SREBF1: variants seen among roughly 807,000 people sequenced by gnomAD.
The protein encoded by SREBF1 is sterol regulatory element-binding protein 1.
Under a neutral mutation model 100.1 loss-of-function variants are expected in SREBF1, and 45 were observed. The ratio of observed to expected loss-of-function variants is 0.45; its 90% CI spans 0.35 to 0.58. SREBF1 has a LOEUF of 0.58. Among genes scored for constraint, SREBF1 ranks in the 20% least tolerant of loss-of-function variants. The probability of loss-of-function intolerance (pLI) is 0.00; values close to 1 mark genes in which losing one functional copy is unlikely to be tolerated. For synonymous variants in SREBF1, 657 were observed against 681.8 expected, an observed-to-expected ratio of 0.96 and a Z score of 0.57; for missense variants, 1,324 against 1,539.4, an observed-to-expected ratio of 0.86 and a Z score of 2.34.
chr17:17,814,217 C>T (rs1172322200), intron 16 of SREBF1, 28 bp downstream of exon 16: 1 of 1,587,682 alleles, frequency 6.3e-7, no homozygotes, highest in Non-Finnish European at 8.6e-7. Flanking sequence ...TCCCCCAGCC[C>T]TGCCAGGCCC....
chr17:17,823,939 G>GT (rs2034318383), intron 1 of SREBF1, among the ~76,000 whole-genome samples: 1 of 152,038 alleles, frequency 6.6e-6, no homozygotes, highest in Admixed American at 6.6e-5. Flanking sequence ...GTTACTGGCG[G>GT]TCACTGGCCC....
chr17:17,814,262 T>C lies in SREBF1; in HGVS notation c.2884A>G (p.Ser962Gly), dbSNP rs762852913. Residue 962 changes from serine (S) to glycine (G), a missense_variant, in exon 16 of 19, where the codon AGC (serine) becomes GGC (glycine). Transcript: ENST00000261646. ...LQDSLATTPA[S>G]SSIDKAVQLF... ...CCCCTCACCTTGTCAATGGAGCTGC[T>C]GGCTGGTGTGGTAGCCAGGCTGTCC... The C allele has an allele frequency of 6.2e-7, 1 of 1,605,588 alleles. No individual in the cohort carries two copies. Among genetic ancestry groups the C allele is most frequent in the South Asian group, 1.1e-5 (1 of 89,600 alleles).
At chr17:17,832,035 C>A (rs1259385456) in intron 1 of SREBF1, among the ~76,000 whole-genome samples, 1 of 152,166 alleles carries the variant, frequency 6.6e-6, no homozygotes, top group African/African-American at 2.4e-5. Flanking sequence ...CACTTCCAGG[C>A]CCCCAGAGTA....
chr17:17,819,698 GGCT>G lies in SREBF1; in HGVS notation c.548_550del (p.Gln183del), dbSNP rs1567974759. ...GGAAGCCAGTGGCAGGCCAGGCAGCGGCTGCTGGGTGTTCCCGGGAGGGCTTCC... is the reference window on the plus strand; with the variant it reads ...GGAAGCCAGTGGCAGGCCAGGCAGCGGCTGGGTGTTCCCGGGAGGGCTTCC... On this transcript the variant is annotated inframe_deletion, in exon 3 of 19. Transcript: ENST00000261646. 7.5e-6 allele frequency: 12 copies of G among 1,608,600 alleles called. No individual in the cohort carries two copies. The highest frequency in any genetic ancestry group is 9.3e-6 in the Non-Finnish European group (11 of 1,178,694).
Position 17,824,075 on chromosome 17 carries a change from G to GT in SREBF1, c.92-3555dup, listed in dbSNP as rs1598131308. Reference sequence around the variant, plus strand: ...CGAGCCTTAACCGCTCCAACCCTCCGTTTACTCCTCCAGAAAACAGGACAG... The same window carrying GT: ...CGAGCCTTAACCGCTCCAACCCTCCGTTTTACTCCTCCAGAAAACAGGACAG... On this transcript the variant is annotated intron_variant, in intron 1 of 18. Transcript: ENST00000261646. The surrounding 1 kb of genome is among the most constrained non-coding windows in gnomAD (Gnocchi z 4.2). Among the ~76,000 whole-genome samples, 1 of 152,132 alleles carries GT rather than the reference G, an allele frequency of 6.6e-6. No individual in the cohort carries two copies. Among genetic ancestry groups the GT allele is most frequent in the Non-Finnish European group, 1.5e-5 (1 of 68,036 alleles).
intron 5 of SREBF1, chr17:17,818,707 T>C (rs1379957886): frequency 1.8e-6 from 1 of 558,192 alleles, no homozygotes; most frequent in Non-Finnish European, 3.2e-6. Flanking sequence ...CGTGGTGGTC[T>C]CGAGCACTTA....
rs1025923560 is a variant in SREBF1, at chr17:17,812,849, C to A, written c.3217G>T (p.Ala1073Ser). 3 of 1,473,362 alleles carry A rather than the reference C, an allele frequency of 2.0e-6. No individual in the cohort carries two copies. Among genetic ancestry groups the A allele is most frequent in the African/African-American group, 2.9e-5 (2 of 69,590 alleles). 91.3% of individuals were successfully genotyped at this position (1,473,362 alleles called of 1,614,324 possible). A position where few individuals can be genotyped will look rare whatever the true frequency, so the allele number is the denominator to read the frequency against. ...RRAGPGGKGG[A>S]VAELEPRPTR... Reference sequence around the variant, plus strand: ...GGCCGCGGCTCCAGCTCCGCCACCGCGCCTGCGCACACGAGGATGTGTCAG... The same window carrying A: ...GGCCGCGGCTCCAGCTCCGCCACCGAGCCTGCGCACACGAGGATGTGTCAG... Residue 1073 changes from alanine to serine, a missense_variant and splice_region_variant, in exon 19 of 19, where the codon GCG (alanine) becomes TCG (serine). Physicochemically the swap from Ala to Ser is moderately conservative, Grantham distance 99. Coordinates refer to ENST00000261646, the MANE Select transcript of SREBF1 (RefSeq NM_004176.5).
chr17:17,812,803 T>C lies in SREBF1; in HGVS notation c.3263A>G (p.Glu1088Gly), dbSNP rs1275784738. 9 of 1,509,026 alleles carry C rather than the reference T, an allele frequency of 6.0e-6. No individual in the cohort carries two copies. Among genetic ancestry groups the C allele is most frequent in the Non-Finnish European group, 7.1e-6 (8 of 1,131,560 alleles). 93.5% of individuals were successfully genotyped at this position (1,509,026 alleles called of 1,614,324 possible). The change falls in exon 19 of 19, where the codon GAG becomes GGG. Residue 1088 changes from glutamate (E) to glycine (G), a missense_variant. Glu to Gly is a moderately conservative substitution (Grantham distance 98). Transcript: ENST00000261646. ...GTAGCAGGAGGCCAGCAGCAAGGCCTCCGCGTGCTCCCGCCGCGTGGGCCG... is the reference window on the plus strand; with the variant it reads ...GTAGCAGGAGGCCAGCAGCAAGGCCCCCGCGTGCTCCCGCCGCGTGGGCCG... ...EPRPTRREHA[E>G]ALLLASCYLP...
chr17:17,823,207 C>T (rs2143019201), intron 1 of SREBF1, among the ~76,000 whole-genome samples: 1 of 152,354 alleles, frequency 6.6e-6, no homozygotes, highest in Non-Finnish European at 1.5e-5. Flanking sequence ...TCCCTGCTTC[C>T]TCCTGGTCCT....
At position 17,812,538 on chromosome 17, in the gene SREBF1, G is replaced by T; in HGVS notation, c.*84C>A. 1 of 1,393,328 alleles carries T rather than the reference G, an allele frequency of 7.2e-7. No individual in the cohort carries two copies. Among genetic ancestry groups the T allele is most frequent in the Non-Finnish European group, 9.9e-7 (1 of 1,012,794 alleles). 86.3% of individuals were successfully genotyped at this position (1,393,328 alleles called of 1,614,324 possible). A position where few individuals can be genotyped will look rare whatever the true frequency, so the allele number is the denominator to read the frequency against. ...GCCAGAGTCTCTTGCACTGCCTTCG[G>T]CCTTCAAAGCTTCGACGCAGGACAG... is the stretch of plus-strand genomic sequence containing the variant. On this transcript the variant is annotated 3_prime_UTR_variant, in exon 19 of 19. Transcript: ENST00000261646.
rs1410906682 is a variant in SREBF1 at position 17,814,931 on chromosome 17, C to T, written c.2506G>A (p.Ala836Thr). The T allele has an allele frequency of 2.6e-6, 4 of 1,567,744 alleles. No individual in the cohort carries two copies. The East Asian group carries it at 7.0e-5, about 27-fold the overall frequency. ...TTCAGCAGCTGCAGGTACCCGAGGGCATCCGAGAATTCCCTGTGGAAGGAG... is the reference window on the plus strand; with the variant it reads ...TTCAGCAGCTGCAGGTACCCGAGGGTATCCGAGAATTCCCTGTGGAAGGAG... Reference protein sequence around the residue: ...SADGDKEFSDALGYLQLLNSC... With the variant: ...SADGDKEFSDTLGYLQLLNSC... Residue 836 changes from alanine to threonine, a missense_variant, in exon 14 of 19, where the codon GCC (alanine) becomes ACC (threonine). By Grantham distance (58) the Ala-to-Thr change is moderately conservative (BLOSUM62 0). Coordinates refer to ENST00000261646, the MANE Select transcript of SREBF1 (RefSeq NM_004176.5).
rs1474436863 is a variant in SREBF1 at position 17,813,674 on chromosome 17, G to T, written c.2997C>A (p.Gly999=). ...CGGAAGCCTGGGGCCTGCTGCTGGTGCCCTGGGCTGCTGGGGCCGGGGCCG... is the reference window on the plus strand; with the variant it reads ...CGGAAGCCTGGGGCCTGCTGCTGGTTCCCTGGGCTGCTGGGGCCGGGGCCG... ...QPPAPAPAAQ[G]TSSRPQASAL... is the part of the protein sequence containing the mutation. Residue 999 remains glycine, a synonymous_variant, in exon 17 of 19, where the codon GGC becomes GGA. Transcript: ENST00000261646. The T allele has an allele frequency of 1.3e-6, 2 of 1,549,036 alleles. No individual in the cohort carries two copies. The highest frequency in any genetic ancestry group is 1.7e-6 in the Non-Finnish European group (2 of 1,154,060).
At chr17:17,816,065 A>T in intron 11 of SREBF1, 37 bp from the exon 12 acceptor site, 2 of 1,605,920 alleles carry the variant, frequency 1.2e-6, no homozygotes, top group Non-Finnish European at 1.7e-6. Flanking sequence ...CAGTGGACAC[A>T]GCCTGGGGCC....
At chr17:17,818,013 C>T in intron 6 of SREBF1, 97 bp from the exon 7 acceptor site, 1 of 1,302,900 alleles carries the variant, frequency 7.7e-7, no homozygotes, top group Non-Finnish European at 1.1e-6. Flanking sequence ...ACTGTAGCTC[C>T]TAAAGCTAGC....
Position 17,814,356 on chromosome 17 carries a change from C to G in SREBF1, c.2790G>C (p.Leu930=). 1.9e-6 allele frequency: 3 copies of G among 1,575,116 alleles called. No individual in the cohort carries two copies. Among genetic ancestry groups the G allele is most frequent in the Non-Finnish European group, 2.6e-6 (3 of 1,160,174 alleles). Residue 930 remains leucine, a synonymous_variant, in exon 16 of 19, where the codon CTG becomes CTC. Coordinates refer to ENST00000261646, the MANE Select transcript of SREBF1 (RefSeq NM_004176.5). Reference sequence around the variant, plus strand: ...GACCAGACTCTGCCTTGGCACAGCCCAGCAGGGCCCGGGCAGCCTTGAAGG... The same window carrying G: ...GACCAGACTCTGCCTTGGCACAGCCGAGCAGGGCCCGGGCAGCCTTGAAGG... ...LHSFKAARAL[L]GCAKAESGPA...
In SREBF1 at chr17:17,824,690, C is replaced by T. The variant is rs1057237712; in HGVS notation, c.92-4169G>A. Among the ~76,000 whole-genome samples, 2 of 152,228 alleles carry T rather than the reference C, an allele frequency of 1.3e-5. No individual in the cohort carries two copies. Among genetic ancestry groups the T allele is most frequent in the African/African-American group, 4.8e-5 (2 of 41,454 alleles). On this transcript the variant is annotated intron_variant, in intron 1 of 18. Transcript: ENST00000261646. This position sits in a 1 kb window ranked among gnomAD's most constrained non-coding sequence, Gnocchi z 4.2. ...GCCTCTGCCCCAAACTGCAGGCCAG[C>T]GCCTCTGCCTGGTCCACACCCCAGT...
rs554362346 is a variant in SREBF1 at position 17,818,388 on chromosome 17, G to A, written c.1069-14C>T. ...AGATTTATTCAGCTGCACGGTGTGG[G>A]AGGGAGGGGGAGCGCACAGGTGGCC... On this transcript the variant is annotated splice_polypyrimidine_tract_variant and intron_variant, in intron 5 of 18. Coordinates refer to ENST00000261646, the MANE Select transcript of SREBF1 (RefSeq NM_004176.5). The A allele has an allele frequency of 3.9e-5, 63 of 1,604,560 alleles. No homozygotes were observed. The highest frequency in any genetic ancestry group is 1.9e-4 in the Middle Eastern group (1 of 5,212).
rs770587190 is a variant in SREBF1 at position 17,817,856 on chromosome 17, T to C, written c.1244A>G (p.Glu415Gly). The change falls in exon 7 of 19, where the codon GAG becomes GGG. Residue 415 changes from glutamate to glycine, a missense_variant. Glu to Gly is a moderately conservative substitution (Grantham distance 98, BLOSUM62 -2). Coordinates refer to ENST00000261646, the MANE Select transcript of SREBF1 (RefSeq NM_004176.5). This position sits in a 1 kb window ranked among gnomAD's most constrained non-coding sequence, Gnocchi z 6.6. ...GSGGNTDVLM[E>G]GVKTEVEDTL... ...GTCCTCCACCTCAGTCTTCACGCCC[T>C]CCATGAGCACGTCTGTGTTCCCTCC... 82 of 1,606,912 alleles carry C rather than the reference T, an allele frequency of 5.1e-5. No homozygotes were observed. Among genetic ancestry groups the C allele is most frequent in the Non-Finnish European group, 6.9e-5 (81 of 1,179,932 alleles).
chr17:17,812,806 G>C lies in SREBF1; in HGVS notation c.3260C>G (p.Ala1087Gly), dbSNP rs1347225710. Residue 1087 changes from alanine to glycine, a missense_variant, in exon 19 of 19, where the codon GCG (alanine) becomes GGG (glycine). Transcript: ENST00000261646. ...LEPRPTRREHAEALLLASCYL... is the reference protein window; with the variant it reads ...LEPRPTRREHGEALLLASCYL... ...GCAGGAGGCCAGCAGCAAGGCCTCC[G>C]CGTGCTCCCGCCGCGTGGGCCGCGG... 2 of 1,506,934 alleles carry C rather than the reference G, an allele frequency of 1.3e-6. No individual in the cohort carries two copies. Among genetic ancestry groups the C allele is most frequent in the African/African-American group, 2.8e-5 (2 of 71,680 alleles). The allele number at this position is 1,506,934 out of a possible 1,614,324, so 93.3% of individuals were successfully genotyped here.
Sources: gnomAD v4.1 joint callset for allele counts (sites outside exome capture counted in the v4.1 genomes callset) on GRCh38, gnomAD v4.1.1 for gene constraint, Gnocchi (gnomAD v3.1) non-coding constraint, MANE v1.5 for transcripts, NCBI Gene and HGNC (gene_info 2026-07-23, HGNC 2026-07-21) for gene names.